Variants in SPTB observed in about 807,000 individuals in gnomAD.
SPTB encodes spectrin beta, erythrocytic.
A neutral mutation model predicts 256.2 loss-of-function variants in SPTB; 45 were observed. The observed-to-expected ratio is 0.18, with a 90% confidence interval of 0.14 to 0.23. The LOEUF (loss-of-function observed/expected upper bound fraction) is 0.23. SPTB is among the 10% of genes least tolerant of loss of function. The pLI is 1.00. For synonymous variants in SPTB, 1,231 were observed against 1,243.1 expected (o/e 0.99, Z 0.21); for missense variants, 2,715 against 3,040.4 (o/e 0.89, Z 2.52).
At chr14:64,804,762 A>G (rs150048021) in intron 3 of SPTB, among the ~76,000 whole-genome samples, 177 bp downstream of exon 3, 2,590 of 152,300 alleles carry the variant, frequency 0.017, 33 homozygotes, top group Admixed American at 0.023. Flanking sequence ...AAGTTCTGGG[A>G]GGAATTCAGA....
Position 64,803,646 on chromosome 14 carries a change from C to A in SPTB, c.435G>T (p.Leu145=), listed in dbSNP as rs2139637125. ...TGATGGTCCAGATGAGGCCCAGGAC[C>A]AGGCGGTGGTTGCCATCTACAATGT... The part of the protein sequence containing the change: ...SHDIVDGNHR[L]VLGLIWTIIL... The change falls in exon 4 of 36, where the codon CTG becomes CTT. Residue 145 remains leucine (L), a synonymous_variant. Transcript: ENST00000644917. The A allele has an allele frequency of 2.5e-6, 4 of 1,614,220 alleles. No individual in the cohort carries two copies. Among genetic ancestry groups the A allele is most frequent in the Non-Finnish European group, 8.5e-7 (1 of 1,180,038 alleles).
At position 64,797,495 on chromosome 14, in the gene SPTB, A is replaced by T. The variant is rs1317437487; in HGVS notation, c.1182+234T>A. Among the ~76,000 whole-genome samples, 8 of 147,834 alleles carry T rather than the reference A, an allele frequency of 5.4e-5. 1 individual carries two copies. The East Asian group carries it at 1.4e-3, about 26-fold the overall frequency. On this transcript the variant is annotated intron_variant, in intron 10 of 35. Coordinates refer to ENST00000644917, the MANE Select transcript of SPTB (RefSeq NM_001355436.2). ...AAAAAAAAAAAAAAAAAAAAAAAAA[A>T]AAAAAAAGGACTCAGGGATGCAGGG...
chr14:64,769,555 G>T (rs149301657), intron 28 of SPTB, 35 bp downstream of exon 28: 105 of 1,612,130 alleles, frequency 6.5e-5, no homozygotes, highest in Non-Finnish European at 8.6e-5. Context: ...GGACGGAGAC[G>T]GAGGAGCTCG....
rs1163050983 is a variant in SPTB, at chr14:64,760,318, C to G, written c.6345+6408G>C. On this transcript the variant is annotated intron_variant, in intron 32 of 35. Transcript: ENST00000644917. The surrounding 1 kb of genome is among the most constrained non-coding windows in gnomAD (Gnocchi z 4.3). ...ATGGCCAGGTGGGTAAATGTCTTCT[C>G]CGGGCCAAAGGAGGTGAAGGTGTAT... is the stretch of plus-strand genomic sequence containing the variant. Among the ~76,000 whole-genome samples the G allele has an allele frequency of 6.6e-6, 1 of 152,034 alleles. No individual in the cohort carries two copies. Among genetic ancestry groups the G allele is most frequent in the Non-Finnish European group, 1.5e-5 (1 of 68,010 alleles).
chr14:64,802,456 G>C lies in SPTB; in HGVS notation c.475-139C>G, dbSNP rs45607231. On this transcript the variant is annotated intron_variant, in intron 4 of 35. Coordinates refer to ENST00000644917, the MANE Select transcript of SPTB (RefSeq NM_001355436.2). The surrounding 1 kb of genome is among the most constrained non-coding windows in gnomAD (Gnocchi z 5.1). ...TCCTTTAAGAGCCAGTATAAATGGCGCTTGGGTTGGGTCTCCCTTCATGTG... is the reference window on the plus strand; with the variant it reads ...TCCTTTAAGAGCCAGTATAAATGGCCCTTGGGTTGGGTCTCCCTTCATGTG... The C allele has an allele frequency of 1.8e-5, 14 of 794,850 alleles. No homozygotes were observed. In the South Asian group the frequency reaches 2.0e-4, roughly 12 times the overall value. 49.2% of individuals were successfully genotyped at this position (794,850 alleles called of 1,614,324 possible).
At chr14:64,805,912 C>G (rs138835713) in intron 2 of SPTB, among the ~76,000 whole-genome samples, 1 of 152,130 alleles carries the variant, frequency 6.6e-6, no homozygotes, top group African/African-American at 2.4e-5. Context: ...TGCGGCTTTA[C>G]GCTATCTTTC....
chr14:64,875,664 A>G (rs1882785342), intron 1 of SPTB, among the ~76,000 whole-genome samples: 3 of 152,264 alleles, frequency 2.0e-5, no homozygotes, highest in Admixed American at 6.5e-5. Context: ...ACAGAGGAGT[A>G]ACCTACGATC....
At chr14:64,811,341 T>G (rs2083086464) in intron 2 of SPTB, among the ~76,000 whole-genome samples, 1 of 152,170 alleles carries the variant, frequency 6.6e-6, no homozygotes, top group Admixed American at 6.5e-5. Flanking sequence ...GAAGTCCAAA[T>G]TAAAAGCCCA....
At chr14:64,833,633 C>A (rs1340575222) in intron 1 of SPTB, among the ~76,000 whole-genome samples, 1 of 152,052 alleles carries the variant, frequency 6.6e-6, no homozygotes, top group Non-Finnish European at 1.5e-5. Context: ...CTTTTGTGTT[C>A]CCATCACTCT....
chr14:64,800,690 G>A, intron 8 of SPTB, 66 bp downstream of exon 8: 3 of 1,397,426 alleles, frequency 2.1e-6, no homozygotes, highest in Non-Finnish European at 3.0e-6. Flanking sequence ...GTTGGAAAGA[G>A]GGCCACTCTG....
intron 2 of SPTB, among the ~76,000 whole-genome samples, chr14:64,812,062 TA>T (rs1316481101): frequency 4.6e-5 from 7 of 152,274 alleles, no homozygotes; most frequent in South Asian, 2.1e-4. Flanking sequence ...ATTTTTTAAT[TA>T]AAAAAAATTT....
intron 1 of SPTB, among the ~76,000 whole-genome samples, chr14:64,874,522 G>A (rs934912383): frequency 7.2e-5 from 11 of 152,174 alleles, no homozygotes; most frequent in African/African-American, 2.7e-4. Flanking sequence ...CTCGAAGTCA[G>A]TATTATGAAA....
In SPTB at chr14:64,779,790, T is replaced by C. The variant is rs756714150; in HGVS notation, c.4408A>G (p.Arg1470Gly). ...FLDLLEPLGR[R>G]KKQLESSRAK... is the part of the protein sequence containing the mutation. ...CTGGATGATTCCAGCTGCTTCTTCC[T>C]CCTTCCTAGGGGTTCCAGGAGGTCC... is the stretch of plus-strand genomic sequence containing the variant. Residue 1470 changes from arginine to glycine, a missense_variant, in exon 21 of 36, where the codon AGG (arginine) becomes GGG (glycine). Around this residue, in one of 4 missense-constraint regions of SPTB, gnomAD observed 2,239 missense variants for 2,384.4 expected, o/e 0.94. Coordinates refer to ENST00000644917, the MANE Select transcript of SPTB (RefSeq NM_001355436.2). This position sits in a 1 kb window ranked among gnomAD's most constrained non-coding sequence, Gnocchi z 4.2. 6.2e-7 allele frequency: 1 copy of C among 1,614,062 alleles called. No homozygotes were observed.
In SPTB at chr14:64,777,167, T is replaced by A. The variant is rs1695777; in HGVS notation, c.4564-1764A>T. Among the ~76,000 whole-genome samples, 8 of 151,764 alleles carry A rather than the reference T, an allele frequency of 5.3e-5. No individual in the cohort carries two copies. Among genetic ancestry groups the A allele is most frequent in the Non-Finnish European group, 2.9e-5 (2 of 67,890 alleles). On this transcript the variant is annotated intron_variant, in intron 22 of 35. Transcript: ENST00000644917. This position sits in a 1 kb window ranked among gnomAD's most constrained non-coding sequence, Gnocchi z 4.5. ...GAGGCAACCACACAGAGATCTGGGG[T>A]TGAGTGTTCCTGGCAAGAGGACTGA... is the stretch of plus-strand genomic sequence containing the variant.
At chr14:64,752,483 TAAG>T (rs1311115717) in intron 33 of SPTB, among the ~76,000 whole-genome samples, 2 of 152,238 alleles carry the variant, frequency 1.3e-5, no homozygotes, top group East Asian at 3.9e-4. Context: ...AGGCAGTTAC[TAAG>T]AAGGAGCTGG....
rs1424196999 is a variant in SPTB, at chr14:64,786,831, C to A, written c.3134G>T (p.Gly1045Val). The change falls in exon 16 of 36, where the codon GGC becomes GTC. Residue 1045 changes from glycine to valine, a missense_variant. Around this residue, in one of 4 missense-constraint regions of SPTB, gnomAD observed 2,239 missense variants for 2,384.4 expected, o/e 0.94. Transcript: ENST00000644917. The surrounding 1 kb of genome is among the most constrained non-coding windows in gnomAD (Gnocchi z 5.6). ...RQKHLEELWQ[G>V]LQQSLQGQED... is the part of the protein sequence containing the mutation. The stretch of plus-strand genomic sequence containing the variant: ...CTGGCCCTGCAGGGATTGCTGCAGG[C>A]CCTGCCACAGCTCCTCCAAGTGTTT... 6.2e-7 allele frequency: 1 copy of A among 1,613,744 alleles called. No individual in the cohort carries two copies. Among genetic ancestry groups the A allele is most frequent in the Non-Finnish European group, 8.5e-7 (1 of 1,180,040 alleles).
chr14:64,774,899 A>T (rs989664113), intron 23 of SPTB, among the ~76,000 whole-genome samples: 10 of 152,138 alleles, frequency 6.6e-5, no homozygotes, highest in African/African-American at 9.7e-5. Flanking sequence ...CTTGGGTTAG[A>T]GCAAACCTAA....
At chr14:64,818,055 C>T (rs1316544668) in intron 2 of SPTB, among the ~76,000 whole-genome samples, 1 of 152,218 alleles carries the variant, frequency 6.6e-6, no homozygotes, top group African/African-American at 2.4e-5. Context: ...AGAAAGAAGG[C>T]TACAAAGAGA....
intron 32 of SPTB, chr14:64,763,621 T>A: frequency 2.2e-6 from 1 of 458,958 alleles, no homozygotes; most frequent in South Asian, 1.6e-5. Context: ...GGGGATTAGG[T>A]GGTTTTTATC....
Sources: allele counts gnomAD v4.1 joint callset (sites outside exome capture counted in the v4.1 genomes callset), GRCh38; gene constraint gnomAD v4.1.1; regional missense constraint gnomAD v4.1.1; non-coding constraint Gnocchi (gnomAD v3.1); transcripts MANE v1.5; gene names NCBI Gene and HGNC (gene_info 2026-07-23, HGNC 2026-07-21).